ITPR2: variants seen among roughly 807,000 people sequenced by gnomAD.
ITPR2 encodes inositol 1,4,5-trisphosphate receptor type 2.
A neutral mutation model predicts 317.1 loss-of-function variants in ITPR2; 207 were observed. That is an observed-to-expected ratio of 0.65 (90% CI 0.58 to 0.73). The LOEUF is 0.73. ITPR2 is among the 30% of genes least tolerant of loss of function. ITPR2 has a pLI of 0.00. For synonymous variants in ITPR2, 1,156 were observed against 1,149.1 expected (o/e 1.01, Z -0.12); for missense variants, 2,613 against 3,284.0 (o/e 0.80, Z 4.99).
At chr12:26,432,334 T>C (rs1251661306) in intron 48 of ITPR2, among the ~76,000 whole-genome samples, 1 of 152,148 alleles carries the variant, frequency 6.6e-6, no homozygotes, top group Admixed American at 6.5e-5. Context: ...ATATCCCTCA[T>C]TTGGGGTTTG....
chr12:26,581,674 T>TA (rs1470059984), intron 32 of ITPR2, among the ~76,000 whole-genome samples: 1 of 152,210 alleles, frequency 6.6e-6, no homozygotes, highest in East Asian at 1.9e-4. Flanking sequence ...AACCTAGGAT[T>TA]AAAATTTAAT....
intron 45 of ITPR2, among the ~76,000 whole-genome samples, chr12:26,464,158 C>T (rs1942110550): frequency 6.6e-6 from 1 of 152,112 alleles, no homozygotes; most frequent in African/African-American, 2.4e-5. Flanking sequence ...GCAATTTTTC[C>T]ATGGACTGGG....
chr12:26,812,375 G>A (rs1191566875), intron 1 of ITPR2, among the ~76,000 whole-genome samples: 2 of 151,868 alleles, frequency 1.3e-5, no homozygotes, highest in African/African-American at 2.4e-5. Context: ...ACAAGAGATC[G>A]AGACCATCCT....
intron 39 of ITPR2, among the ~76,000 whole-genome samples, chr12:26,492,037 G>C (rs1012227891): frequency 2.0e-5 from 3 of 152,230 alleles, no homozygotes; most frequent in African/African-American, 7.2e-5. Flanking sequence ...AGTGAGAACA[G>C]AGAGTCCAAA....
chr12:26,628,008 A>G, intron 23 of ITPR2, 25 bp downstream of exon 23: 1 of 1,575,996 alleles, frequency 6.3e-7, no homozygotes, highest in Non-Finnish European at 8.6e-7. Flanking sequence ...AAATAAAAAG[A>G]GTAAATACTG....
At chr12:26,789,237 G>T (rs186979882) in intron 2 of ITPR2, among the ~76,000 whole-genome samples, 14 of 152,266 alleles carry the variant, frequency 9.2e-5, no homozygotes, top group Admixed American at 2.0e-4. Context: ...AAGGATCTCA[G>T]TCTAGAGAAA....
intron 41 of ITPR2, among the ~76,000 whole-genome samples, chr12:26,485,836 T>C (rs953976245): frequency 6.6e-6 from 1 of 152,200 alleles, no homozygotes; most frequent in Non-Finnish European, 1.5e-5. Context: ...GAAGACAGGA[T>C]GCCCACTGAG....
In ITPR2 at chr12:26,602,416, C is replaced by A. The variant is rs769779515; in HGVS notation, c.3632G>T (p.Gly1211Val). Residue 1211 changes from glycine (G) to valine (V), a missense_variant, in exon 28 of 57, where the codon GGG becomes GTG. Gly to Val is a moderately radical substitution (Grantham distance 109). Transcript: ENST00000381340. ...NQHQRLLKNM[G>V]AHSVVLDLLQ... ...AAGATCCAACACCACCGAATGCGCC[C>A]CCATATTTTTCAGTAATCGTTGATG... 6.2e-7 allele frequency: 1 copy of A among 1,613,670 alleles called. No individual in the cohort carries two copies. Among genetic ancestry groups the A allele is most frequent in the Admixed American group, 1.7e-5 (1 of 59,996 alleles).
At chr12:26,486,690 T>TTAA in intron 40 of ITPR2, 1 of 531,070 alleles carries the variant, frequency 1.9e-6, no homozygotes, top group Admixed American at 2.3e-5. Context: ...TGATTTGTAT[T>TTAA]TAATACATGG....
chr12:26,441,071 T>TA (rs148432106), intron 46 of ITPR2, among the ~76,000 whole-genome samples: 7,582 of 152,280 alleles, frequency 0.05, 245 homozygotes, highest in South Asian at 0.17. Flanking sequence ...CTTCAGATGT[T>TA]AGAGTCAAGC....
intron 37 of ITPR2, among the ~76,000 whole-genome samples, chr12:26,501,548 A>G (rs1943072941): frequency 6.6e-6 from 1 of 152,206 alleles, no homozygotes; most frequent in Admixed American, 6.5e-5. Flanking sequence ...ACAAATTTCA[A>G]CAGGACTAGT....
At position 26,578,748 on chromosome 12, in the gene ITPR2, GA is replaced by G; in HGVS notation, c.4594del (p.Ser1532GlnfsTer33). 1 of 1,610,480 alleles carries G rather than the reference GA, an allele frequency of 6.2e-7. No individual in the cohort carries two copies. The highest frequency in any genetic ancestry group is 1.1e-5 in the South Asian group (1 of 90,670). ...CAAAGTTCTGATACAGGATTCCACT[GA>G]GGCTTTCTGCGCTGGGTTTGGCCAG... ...CTWPNPAQKA[S>X]VESCIRTLAE... On this transcript the variant is annotated frameshift_variant, in exon 34 of 57. Coordinates refer to ENST00000381340, the MANE Select transcript of ITPR2 (RefSeq NM_002223.4). LOFTEE classifies it high-confidence loss of function.
At chr12:26,821,235 T>A (rs1387964851) in intron 1 of ITPR2, among the ~76,000 whole-genome samples, 1 of 152,206 alleles carries the variant, frequency 6.6e-6, no homozygotes, top group Non-Finnish European at 1.5e-5. Context: ...GCATCTTTGT[T>A]CTCTTTCTCC....
rs371377848 is a variant in ITPR2, at chr12:26,403,274, G to A, written c.7400-3016C>T. Reference sequence around the variant, plus strand: ...ACACAGAAGGGTGTGGGAGGTGAGAGAAGAAACGCAAGAGGGTACCAGGTC... The same window carrying A: ...ACACAGAAGGGTGTGGGAGGTGAGAAAAGAAACGCAAGAGGGTACCAGGTC... On this transcript the variant is annotated intron_variant, in intron 52 of 56. Coordinates refer to ENST00000381340, the MANE Select transcript of ITPR2 (RefSeq NM_002223.4). Among the ~76,000 whole-genome samples, 8 of 152,296 alleles carry A rather than the reference G, an allele frequency of 5.3e-5. No homozygotes were observed. In the East Asian group the frequency reaches 1.2e-3, roughly 22 times the overall value.
intron 55 of ITPR2, among the ~76,000 whole-genome samples, chr12:26,362,560 ATT>A (rs1938868495): frequency 1.3e-5 from 2 of 152,156 alleles, no homozygotes; most frequent in African/African-American, 4.8e-5. Flanking sequence ...TTAGTCACTG[ATT>A]ACTTACAGTC....
At chr12:26,777,488 TTCA>T (rs1949994996) in intron 2 of ITPR2, among the ~76,000 whole-genome samples, 1 of 152,176 alleles carries the variant, frequency 6.6e-6, no homozygotes, top group Non-Finnish European at 1.5e-5. Context: ...AGTGGTAACA[TTCA>T]ACTGTCAGAG....
intron 37 of ITPR2, among the ~76,000 whole-genome samples, chr12:26,531,103 G>A (rs1355984569): frequency 6.6e-6 from 1 of 152,168 alleles, no homozygotes; most frequent in Non-Finnish European, 1.5e-5. Context: ...ATAAAAGATA[G>A]AGGTCTGGGA....
rs375959056 is a variant in ITPR2, at chr12:26,418,959, C to T, written c.7110+90G>A. ...AATTTGTCCTAAATGTCAGGCTTTG[C>T]TTAAAAAAAAAAATCAAAGGAAGAG... On this transcript the variant is annotated intron_variant, in intron 50 of 56. Transcript: ENST00000381340. The T allele has an allele frequency of 1.7e-5, 20 of 1,144,286 alleles. No homozygotes were observed. In the East Asian group the frequency reaches 3.2e-4, roughly 18 times the overall value. The allele number at this position is 1,144,286 out of a possible 1,614,324, so 70.9% of individuals were successfully genotyped here.
At chr12:26,647,776 C>T (rs1301276635) in intron 21 of ITPR2, among the ~76,000 whole-genome samples, 1 of 152,198 alleles carries the variant, frequency 6.6e-6, no homozygotes, top group African/African-American at 2.4e-5. Flanking sequence ...AAATGTATAG[C>T]CAATGAAAGG....
Sources: gnomAD v4.1 joint callset for allele counts (sites outside exome capture counted in the v4.1 genomes callset) on GRCh38, gnomAD v4.1.1 for gene constraint, MANE v1.5 for transcripts, NCBI Gene and HGNC (gene_info 2026-07-23, HGNC 2026-07-21) for gene names.